The following C3orf70 variants were observed in gnomAD, a reference collection of about 807,000 sequenced individuals.
C3orf70 encodes UPF0524 protein C3orf70.
In C3orf70, 15 loss-of-function variants were observed where a neutral mutation model predicts 20.7. The ratio of observed to expected loss-of-function variants is 0.72; its 90% CI spans 0.48 to 1.11. The LOEUF (loss-of-function observed/expected upper bound fraction) is 1.11. Among genes scored for constraint, C3orf70 ranks in the 50% most tolerant of loss-of-function variants. The pLI is 0.00. For missense variants in C3orf70, 332 were observed against 317.6 expected, an observed-to-expected ratio of 1.05 and a Z score of -0.34; for synonymous variants, 161 against 125.7, an observed-to-expected ratio of 1.28 and a Z score of -1.88.
Position 185,152,849 on chromosome 3 carries a change from C to T in C3orf70, c.-26G>A, listed in dbSNP as rs763920138. 8 of 1,493,716 alleles carry T rather than the reference C, an allele frequency of 5.4e-6. No individual in the cohort carries two copies. The Admixed American group carries it at 6.2e-5, about 12-fold the overall frequency. The allele number at this position is 1,493,716 out of a possible 1,614,324, so 92.5% of individuals were successfully genotyped here. ...TTCCTCTCCCTCCGCGCGGAGCCGA[C>T]ACCGGGAGCCCGGGAGAAGCGACGT... On this transcript the variant is annotated 5_prime_UTR_variant, in exon 1 of 2. Coordinates refer to ENST00000335012, the MANE Select transcript of C3orf70 (RefSeq NM_001025266.3).
chr3:185,101,087 C>G (rs766620506), intron 1 of C3orf70, among the ~76,000 whole-genome samples: 4 of 152,054 alleles, frequency 2.6e-5, no homozygotes, highest in Non-Finnish European at 5.9e-5. Context: ...GATTCACAGG[C>G]AAATTCTATC....
chr3:185,108,468 T>C (rs531006156), intron 1 of C3orf70, among the ~76,000 whole-genome samples: 2 of 152,356 alleles, frequency 1.3e-5, no homozygotes, highest in South Asian at 2.1e-4. Context: ...ATGACTTTAT[T>C]TACCCAATTG....
rs375555720 is a variant in C3orf70 at position 185,100,413 on chromosome 3, T to C, written c.197-16850A>G. 3.6e-3 allele frequency among the ~76,000 whole-genome samples: 541 copies of C among 152,226 alleles called. 3 individuals carry two copies. Among genetic ancestry groups the C allele is most frequent in the South Asian group, 0.019 (92 of 4,818 alleles). ...AAATTCTGTCAAAACCATACAATTA[T>C]ATGGAAGTTGAATAACCTGCTCCTG... On this transcript the variant is annotated intron_variant, in intron 1 of 1. Transcript: ENST00000335012.
intron 1 of C3orf70, among the ~76,000 whole-genome samples, chr3:185,121,527 C>T (rs1716296617): frequency 6.6e-6 from 1 of 151,992 alleles, no homozygotes; most frequent in African/African-American, 2.4e-5. Flanking sequence ...ATGGCAGATG[C>T]CACAGGGTAT....
chr3:185,092,241 A>G (rs1356646367), intron 1 of C3orf70, among the ~76,000 whole-genome samples: 10 of 152,052 alleles, frequency 6.6e-5, no homozygotes, highest in Admixed American at 6.6e-4. Context: ...GGTGCACTGT[A>G]AACATTCTGT....
intron 1 of C3orf70, among the ~76,000 whole-genome samples, chr3:185,088,625 C>T (rs1715506034): frequency 1.3e-5 from 2 of 152,228 alleles, no homozygotes; most frequent in East Asian, 3.9e-4. Context: ...GAGGTACATG[C>T]TGTTGATAAA....
chr3:185,099,041 A>G (rs1715767532), intron 1 of C3orf70, among the ~76,000 whole-genome samples: 1 of 152,222 alleles, frequency 6.6e-6, no homozygotes, highest in South Asian at 2.1e-4. Flanking sequence ...ACACTAATAT[A>G]GTGGAACTCA....
At chr3:185,133,166 CA>C (rs898872425) in intron 1 of C3orf70, among the ~76,000 whole-genome samples, 3 of 152,126 alleles carry the variant, frequency 2.0e-5, no homozygotes, top group African/African-American at 7.2e-5. Flanking sequence ...AAAAGCTTGA[CA>C]ATACACTCTG....
At chr3:185,126,485 C>A (rs1456481414) in intron 1 of C3orf70, among the ~76,000 whole-genome samples, 1 of 152,132 alleles carries the variant, frequency 6.6e-6, no homozygotes, top group Non-Finnish European at 1.5e-5. Flanking sequence ...TCCCAAATAA[C>A]TTCCCTGGGT....
intron 1 of C3orf70, among the ~76,000 whole-genome samples, chr3:185,103,815 A>C (rs902463269): frequency 6.6e-6 from 1 of 152,170 alleles, no homozygotes; most frequent in African/African-American, 2.4e-5. Flanking sequence ...CCAACACAGA[A>C]GCCTTTTGTT....
chr3:185,127,203 T>C (rs1716428410), intron 1 of C3orf70, among the ~76,000 whole-genome samples: 1 of 152,184 alleles, frequency 6.6e-6, no homozygotes, highest in South Asian at 2.1e-4. Context: ...TAATTCATTT[T>C]GACAGAACTA....
chr3:185,122,766 T>A (rs1716329018), intron 1 of C3orf70, among the ~76,000 whole-genome samples: 1 of 152,048 alleles, frequency 6.6e-6, no homozygotes, highest in African/African-American at 2.4e-5. Context: ...GCAAGCATCA[T>A]CCAACTGGCT....
At chr3:185,150,954 A>C (rs1716978875) in intron 1 of C3orf70, among the ~76,000 whole-genome samples, 1 of 152,252 alleles carries the variant, frequency 6.6e-6, no homozygotes, top group Non-Finnish European at 1.5e-5. Context: ...ATTTCAGGAA[A>C]GACATTGTGA....
At chr3:185,093,608 A>G (rs539952544) in intron 1 of C3orf70, among the ~76,000 whole-genome samples, 5 of 152,338 alleles carry the variant, frequency 3.3e-5, no homozygotes, top group African/African-American at 7.2e-5. Flanking sequence ...AAGAGGAAAT[A>G]TAAGTATTAA....
intron 1 of C3orf70, among the ~76,000 whole-genome samples, chr3:185,129,735 T>G (rs1055804981): frequency 3.3e-5 from 5 of 152,356 alleles, no homozygotes; most frequent in African/African-American, 4.8e-5. Context: ...GTTTCTTGAC[T>G]TTTTAATAGA....
At chr3:185,129,219 GC>G (rs1237995845) in intron 1 of C3orf70, among the ~76,000 whole-genome samples, 3 of 152,056 alleles carry the variant, frequency 2.0e-5, no homozygotes, top group Non-Finnish European at 4.4e-5. Context: ...TGCAATCCTG[GC>G]CCCCCTCCGT....
intron 1 of C3orf70, among the ~76,000 whole-genome samples, chr3:185,120,565 G>A (rs143318423): frequency 0.052 from 7,884 of 152,108 alleles, 665 homozygotes; most frequent in African/African-American, 0.18. Context: ...AGTGGGCTAA[G>A]GACATGAATA....
At chr3:185,142,904 C>G (rs1255294283) in intron 1 of C3orf70, among the ~76,000 whole-genome samples, 1 of 152,020 alleles carries the variant, frequency 6.6e-6, no homozygotes, top group Non-Finnish European at 1.5e-5. Context: ...ATTCTCCAAA[C>G]AGTTAACTTG....
At chr3:185,120,033 A>AGAAAAAAGAAAAAGAAAG (rs1553920936) in intron 1 of C3orf70, among the ~76,000 whole-genome samples, 7 of 100,780 alleles carry the variant, frequency 6.9e-5, no homozygotes, top group Admixed American at 1.2e-4. Flanking sequence ...AAAAAAAAAA[A>AGAAAAAAGAAAAAGAAAG]AAAAAGAAAA....
Sources: gnomAD v4.1 joint callset for allele counts (sites outside exome capture counted in the v4.1 genomes callset) on GRCh38, gnomAD v4.1.1 for gene constraint, MANE v1.5 for transcripts, NCBI Gene and HGNC (gene_info 2026-07-23, HGNC 2026-07-21) for gene names.